The following GRID2 variants were observed in gnomAD, a reference collection of about 807,000 sequenced individuals.
GRID2 encodes the protein glutamate receptor ionotropic, delta-2.
GRID2 carries 33 observed loss-of-function variants against 114.8 expected under a neutral mutation model. That is an observed-to-expected ratio of 0.29 (90% CI 0.22 to 0.38). The LOEUF (loss-of-function observed/expected upper bound fraction) is 0.38. Among genes scored for constraint, GRID2 ranks in the 10% least tolerant of loss-of-function variants. The probability of loss-of-function intolerance (pLI) is 1.00; values close to 1 mark genes in which losing one functional copy is unlikely to be tolerated. For synonymous variants in GRID2, 505 were observed against 449.9 expected (o/e 1.12, Z -1.55); for missense variants, 1,184 against 1,257.7 (o/e 0.94, Z 0.89).
chr4:92,580,464 A>C (rs1728127157), intron 1 of GRID2, among the ~76,000 whole-genome samples: 1 of 151,972 alleles, frequency 6.6e-6, no homozygotes, highest in Admixed American at 6.6e-5. Context: ...CTAAAACAGT[A>C]GTTTACAGAA....
At chr4:93,062,057 T>C (rs1378693640) in intron 2 of GRID2, among the ~76,000 whole-genome samples, 1 of 152,122 alleles carries the variant, frequency 6.6e-6, no homozygotes, top group Non-Finnish European at 1.5e-5. Context: ...AGGTGGACAT[T>C]GACCCCTCCC....
At chr4:93,726,621 G>A (rs1466936958) in intron 14 of GRID2, among the ~76,000 whole-genome samples, 1 of 152,154 alleles carries the variant, frequency 6.6e-6, no homozygotes, top group Non-Finnish European at 1.5e-5. Context: ...CCATGAGCAT[G>A]GAATGTTCTT....
intron 1 of GRID2, among the ~76,000 whole-genome samples, chr4:93,782,024 A>AAAG (rs1468708932): frequency 6.6e-6 from 1 of 152,174 alleles, no homozygotes; most frequent in Non-Finnish European, 1.5e-5. Flanking sequence ...GATTGTATTA[A>AAAG]AAGTAGTTCT....
At chr4:93,421,884 T>C (rs1254821631) in intron 9 of GRID2, among the ~76,000 whole-genome samples, 1 of 151,908 alleles carries the variant, frequency 6.6e-6, no homozygotes, top group African/African-American at 2.4e-5. Context: ...CTGGCTTATA[T>C]ACAAGGAGAA....
At chr4:92,745,340 G>T (rs1737097480) in intron 2 of GRID2, among the ~76,000 whole-genome samples, 1 of 152,044 alleles carries the variant, frequency 6.6e-6, no homozygotes, top group Non-Finnish European at 1.5e-5. Flanking sequence ...TCCCTTTGTT[G>T]AATTGATCAT....
At chr4:93,419,217 A>C (rs1313193390) in intron 9 of GRID2, among the ~76,000 whole-genome samples, 1 of 151,634 alleles carries the variant, frequency 6.6e-6, no homozygotes, top group Non-Finnish European at 1.5e-5. Flanking sequence ...AATAGGGTAT[A>C]ATTATTTTGA....
chr4:92,999,074 G>T (rs1053725727), intron 2 of GRID2, among the ~76,000 whole-genome samples: 3 of 151,706 alleles, frequency 2.0e-5, no homozygotes, highest in African/African-American at 7.3e-5. Flanking sequence ...ATTTAAGTGT[G>T]TTTTTAATGT....
intron 2 of GRID2, among the ~76,000 whole-genome samples, chr4:92,705,692 C>T (rs1177703390): frequency 1.3e-5 from 2 of 152,212 alleles, no homozygotes; most frequent in Non-Finnish European, 2.9e-5. Context: ...CAACTGCCTT[C>T]AGCTATTACA....
chr4:92,647,798 A>G (rs1254768160), intron 2 of GRID2, among the ~76,000 whole-genome samples: 2 of 149,796 alleles, frequency 1.3e-5, no homozygotes, highest in African/African-American at 5.0e-5. Flanking sequence ...TACTTAACAA[A>G]TTTAACATGT....
At chr4:93,019,026 A>T (rs555297111) in intron 2 of GRID2, among the ~76,000 whole-genome samples, 91 of 152,308 alleles carry the variant, frequency 6.0e-4, no homozygotes, top group African/African-American at 2.1e-3. Flanking sequence ...CTAGCTCAAG[A>T]AGGAATAAAG....
rs562561059 is a variant in GRID2, at chr4:93,431,224, G to C, written c.1545+8256G>C. 2.0e-5 allele frequency among the ~76,000 whole-genome samples: 3 copies of C among 152,206 alleles called. No homozygotes were observed. The East Asian group carries it at 5.8e-4, about 30-fold the overall frequency. ...GGACAGTTTAGAATAGGGTGAGTTG[G>C]ATATGTAGCATTCTGAAGCTCACTG... On this transcript the variant is annotated intron_variant, in intron 10 of 15. Transcript: ENST00000282020.
chr4:93,563,102 G>T (rs1735077801), intron 13 of GRID2, among the ~76,000 whole-genome samples: 2 of 152,072 alleles, frequency 1.3e-5, no homozygotes, highest in Admixed American at 6.6e-5. Flanking sequence ...ATTTGTTCAT[G>T]ACTAGTGAAA....
In GRID2 at chr4:93,631,372, G is replaced by A. The variant is rs111666486; in HGVS notation, c.2360+4937G>A. On this transcript the variant is annotated intron_variant, in intron 14 of 15. Transcript: ENST00000282020. Reference sequence around the variant, plus strand: ...CTAATGCTATCCCTCCCCACTCCCCGACCCTAGGACAGGACCTGGTGTGTG... The same window carrying A: ...CTAATGCTATCCCTCCCCACTCCCCAACCCTAGGACAGGACCTGGTGTGTG... Among the ~76,000 whole-genome samples, 966 of 152,046 alleles carry A rather than the reference G, an allele frequency of 6.4e-3. 14 individuals carry two copies. Among genetic ancestry groups the A allele is most frequent in the African/African-American group, 0.022 (894 of 41,470 alleles).
chr4:92,946,330 C>A (rs982633079), intron 2 of GRID2, among the ~76,000 whole-genome samples: 29 of 151,940 alleles, frequency 1.9e-4, no homozygotes, highest in African/African-American at 7.0e-4. Context: ...CCTACTTTTT[C>A]TTTACCCACT....
intron 2 of GRID2, among the ~76,000 whole-genome samples, chr4:92,784,115 C>T (rs767980874): frequency 6.6e-6 from 1 of 151,836 alleles, no homozygotes; most frequent in South Asian, 2.1e-4. Context: ...ACATTAATAT[C>T]ACCTATAAAC....
At chr4:92,832,885 T>G (rs1234359827) in intron 2 of GRID2, among the ~76,000 whole-genome samples, 1 of 152,200 alleles carries the variant, frequency 6.6e-6, no homozygotes, top group Non-Finnish European at 1.5e-5. Context: ...TGAACTCACT[T>G]TTATCAATTA....
chr4:92,500,520 CA>C (rs1259014127), intron 1 of GRID2, among the ~76,000 whole-genome samples: 1 of 152,168 alleles, frequency 6.6e-6, no homozygotes, highest in African/African-American at 2.4e-5. Flanking sequence ...AGTTCTCTAG[CA>C]AGTCTGTTTC....
chr4:93,764,990 A>G (rs1181563752), intron 14 of GRID2, among the ~76,000 whole-genome samples: 2 of 152,136 alleles, frequency 1.3e-5, no homozygotes. Context: ...TTATAATTAC[A>G]AGGTACAATT....
intron 1 of GRID2, among the ~76,000 whole-genome samples, chr4:92,563,199 G>A (rs1727180036): frequency 6.6e-6 from 1 of 152,068 alleles, no homozygotes; most frequent in African/African-American, 2.4e-5. Context: ...ATGGTTGTTA[G>A]GATTATGTGC....
Sources: gnomAD v4.1 joint callset for allele counts (sites outside exome capture counted in the v4.1 genomes callset) on GRCh38, gnomAD v4.1.1 for gene constraint, MANE v1.5 for transcripts, NCBI Gene and HGNC (gene_info 2026-07-23, HGNC 2026-07-21) for gene names.